SDK1: variants seen among roughly 807,000 people sequenced by gnomAD.
SDK1 encodes sidekick cell adhesion molecule 1, also known as protein sidekick-1.
A neutral mutation model predicts 245.5 loss-of-function variants in SDK1; 157 were observed. The ratio of observed to expected loss-of-function variants is 0.64; its 90% CI spans 0.56 to 0.73. The LOEUF (loss-of-function observed/expected upper bound fraction) is 0.73, where lower values mean the gene tolerates loss of function less well. SDK1 is among the 30% of genes least tolerant of loss of function. The probability of loss-of-function intolerance (pLI) is 0.00; values close to 1 mark genes in which losing one functional copy is unlikely to be tolerated. For synonymous variants in SDK1, 1,647 were observed against 1,278.5 expected (o/e 1.29, Z -6.15); for missense variants, 3,583 against 3,002.3 (o/e 1.19, Z -4.52).
chr7:3,798,169 A>G (rs7800520), intron 4 of SDK1, among the ~76,000 whole-genome samples: 17,220 of 145,568 alleles, frequency 0.12, 1,729 homozygotes, highest in African/African-American at 0.28. Flanking sequence ...GTCTCTGTAG[A>G]CTTCTCCAAT....
chr7:4,171,065 C>T (rs1781809312), intron 32 of SDK1, among the ~76,000 whole-genome samples: 2 of 152,138 alleles, frequency 1.3e-5, no homozygotes, highest in African/African-American at 4.8e-5. Flanking sequence ...GCTCCCTGGT[C>T]AGGTTTGGAT....
rs776966931 is a variant in SDK1, at chr7:4,237,771, G to A, written c.6117G>A (p.Lys2039=). 6.8e-6 allele frequency: 11 copies of A among 1,614,144 alleles called. No individual in the cohort carries two copies. In the Admixed American group the frequency reaches 1.5e-4, roughly 22 times the overall value. ...LVLHGQNKKY[K]NCSTGKGIST... is the part of the protein sequence containing the mutation. ...TGCACGGGCAGAATAAGAAGTATAA[G>A]AACTGCAGCACAGGTGCAGGTCCAG... Residue 2039 remains lysine (K), a synonymous_variant, in exon 42 of 45, where the codon AAG becomes AAA. Coordinates refer to ENST00000404826, the MANE Select transcript of SDK1 (RefSeq NM_152744.4).
At chr7:3,871,205 C>A (rs1004541500) in intron 5 of SDK1, among the ~76,000 whole-genome samples, 1 of 151,684 alleles carries the variant, frequency 6.6e-6, no homozygotes, top group African/African-American at 2.4e-5. Flanking sequence ...TTAATCTTTC[C>A]CCCAAATTCC....
intron 42 of SDK1, among the ~76,000 whole-genome samples, chr7:4,240,230 C>G (rs1321000001): frequency 6.6e-6 from 1 of 152,090 alleles, no homozygotes; most frequent in Non-Finnish European, 1.5e-5. Flanking sequence ...AAAGGCAGAT[C>G]GGACCTGCAG....
intron 4 of SDK1, among the ~76,000 whole-genome samples, chr7:3,793,544 T>G (rs1337124168): frequency 6.6e-6 from 1 of 152,234 alleles, no homozygotes; most frequent in African/African-American, 2.4e-5. Context: ...AGTGGACCCG[T>G]GATCCTCTGC....
chr7:4,071,284 C>G (rs533938619), intron 20 of SDK1, among the ~76,000 whole-genome samples: 55 of 152,172 alleles, frequency 3.6e-4, no homozygotes, highest in African/African-American at 1.3e-3. Flanking sequence ...TTCGGCCTCC[C>G]AAAGTGCTGG....
Position 3,726,722 on chromosome 7 carries a change from A to G in SDK1, c.713+84617A>G, listed in dbSNP as rs143150830. 1.0e-3 allele frequency among the ~76,000 whole-genome samples: 158 copies of G among 152,322 alleles called. 1 individual carries two copies. Among genetic ancestry groups the G allele is most frequent in the African/African-American group, 3.7e-3 (153 of 41,578 alleles). On this transcript the variant is annotated intron_variant, in intron 4 of 44. Transcript: ENST00000404826. ...CTCATATAATCGGGAGCTGGGAGAA[A>G]TCACAGCAGATTTTGACAGTGTCCT...
intron 5 of SDK1, among the ~76,000 whole-genome samples, chr7:3,869,255 A>C (rs1780899468): frequency 6.7e-6 from 1 of 149,564 alleles, no homozygotes; most frequent in Non-Finnish European, 1.5e-5. Context: ...TCCCGGGTTC[A>C]AGCGATTCTC....
chr7:3,597,302 A>G (rs1430569548), intron 1 of SDK1, among the ~76,000 whole-genome samples: 1 of 150,548 alleles, frequency 6.6e-6, no homozygotes, highest in Non-Finnish European at 1.5e-5. Flanking sequence ...AGAGGATGTT[A>G]CAGTCTGTTT....
At chr7:3,654,420 G>A (rs1418721096) in intron 4 of SDK1, among the ~76,000 whole-genome samples, 3 of 152,130 alleles carry the variant, frequency 2.0e-5, no homozygotes, top group Non-Finnish European at 2.9e-5. Flanking sequence ...CGTGCAGAGC[G>A]AGAGGTGGAC....
In SDK1 at chr7:3,813,929, C is replaced by G. The variant is rs565452491; in HGVS notation, c.714-7521C>G. Among the ~76,000 whole-genome samples, 432 of 133,102 alleles carry G rather than the reference C, an allele frequency of 3.2e-3. 4 individuals carry two copies. Among genetic ancestry groups the G allele is most frequent in the African/African-American group, 0.013 (419 of 32,670 alleles). The allele number at this position is 133,102 out of a possible 152,430, so 87.3% of individuals were successfully genotyped here. A position where few individuals can be genotyped will look rare whatever the true frequency, so the allele number is the denominator to read the frequency against. On this transcript the variant is annotated intron_variant, in intron 4 of 44. Coordinates refer to ENST00000404826, the MANE Select transcript of SDK1 (RefSeq NM_152744.4). Reference sequence around the variant, plus strand: ...TGTCTTCTTTTGAGAAGTGTCTGTTCATGTCCTTCTCCCACTTTTTGATGG... The same window carrying G: ...TGTCTTCTTTTGAGAAGTGTCTGTTGATGTCCTTCTCCCACTTTTTGATGG...
At chr7:3,963,810 T>C (rs2128130330) in intron 9 of SDK1, among the ~76,000 whole-genome samples, 1 of 151,736 alleles carries the variant, frequency 6.6e-6, no homozygotes, top group African/African-American at 2.4e-5. Flanking sequence ...ACGTATCCAG[T>C]GAGCACACCC....
At chr7:3,736,784 G>T (rs184860184) in intron 4 of SDK1, among the ~76,000 whole-genome samples, 362 of 152,292 alleles carry the variant, frequency 2.4e-3, no homozygotes, top group Non-Finnish European at 4.4e-3. Context: ...CCATTCTTGT[G>T]TGTGTCTGAT....
At chr7:3,670,872 A>G (rs1456145486) in intron 4 of SDK1, among the ~76,000 whole-genome samples, 1 of 152,078 alleles carries the variant, frequency 6.6e-6, no homozygotes, top group African/African-American at 2.4e-5. Context: ...TTAGATGATC[A>G]CCCTTTTGTG....
chr7:3,722,981 T>C (rs1055354619), intron 4 of SDK1, among the ~76,000 whole-genome samples: 1 of 152,226 alleles, frequency 6.6e-6, no homozygotes, highest in African/African-American at 2.4e-5. Context: ...AAACTTCACA[T>C]TACTCTTTGG....
intron 1 of SDK1, among the ~76,000 whole-genome samples, chr7:3,562,165 AC>A (rs1480293216): frequency 6.6e-6 from 1 of 152,126 alleles, no homozygotes; most frequent in Non-Finnish European, 1.5e-5. Flanking sequence ...ACTGCATAGC[AC>A]CCTAGTGAAA....
chr7:3,364,681 A>T lies in SDK1; in HGVS notation c.298+62797A>T, dbSNP rs180719544. 3.0e-3 allele frequency among the ~76,000 whole-genome samples: 461 copies of T among 152,272 alleles called. 1 individual carries two copies. Among genetic ancestry groups the T allele is most frequent in the African/African-American group, 0.01 (434 of 41,562 alleles). ...ATATATTGTCTTGATTACTATAGCT[A>T]TATAATAAGCTTTGAAATCAGGTAC... On this transcript the variant is annotated intron_variant, in intron 1 of 44. Transcript: ENST00000404826.
At position 3,875,942 on chromosome 7, in the gene SDK1, C is replaced by G. The variant is rs116763852; in HGVS notation, c.847+54359C>G. On this transcript the variant is annotated intron_variant, in intron 5 of 44. Transcript: ENST00000404826. Reference sequence around the variant, plus strand: ...CACTTCCAGCTTCTTTGTTCTCTCACTTGCCTGGCAGTTCTCTTGAGCAAA... The same window carrying G: ...CACTTCCAGCTTCTTTGTTCTCTCAGTTGCCTGGCAGTTCTCTTGAGCAAA... Among the ~76,000 whole-genome samples the G allele has an allele frequency of 4.9e-3, 753 of 152,326 alleles. 8 individuals carry two copies. The highest frequency in any genetic ancestry group is 0.017 in the African/African-American group (706 of 41,566).
chr7:3,365,334 T>C (rs974280528), intron 1 of SDK1, among the ~76,000 whole-genome samples: 6 of 152,202 alleles, frequency 3.9e-5, no homozygotes, highest in South Asian at 2.1e-4. Context: ...GAAACTCTGG[T>C]TCCTTTTAGG....
Sources: gnomAD v4.1 joint callset for allele counts (sites outside exome capture counted in the v4.1 genomes callset) on GRCh38, gnomAD v4.1.1 for gene constraint, MANE v1.5 for transcripts, NCBI Gene and HGNC (gene_info 2026-07-23, HGNC 2026-07-21) for gene names.